GABRA2: variants seen among roughly 807,000 people sequenced by gnomAD.
GABRA2 encodes gamma-aminobutyric acid type A receptor subunit alpha2.
Under a neutral mutation model 48.7 loss-of-function variants are expected in GABRA2, and 16 were observed. The ratio of observed to expected loss-of-function variants is 0.33; its 90% CI spans 0.22 to 0.50. The LOEUF (loss-of-function observed/expected upper bound fraction) is 0.50. Among genes scored for constraint, GABRA2 ranks in the 20% least tolerant of loss-of-function variants. GABRA2 has a pLI of 0.98. For missense variants in GABRA2, 275 were observed against 535.6 expected (o/e 0.51, Z 4.80); for synonymous variants, 185 against 184.5 (o/e 1.00, Z -0.02).
chr4:46,249,230 A>C lies in GABRA2; in HGVS notation c.*1078T>G, dbSNP rs141370368. On this transcript the variant is annotated 3_prime_UTR_variant, in exon 10 of 10. Transcript: ENST00000381620. ...CAAAAGCAGATTTACATTAATTCTT[A>C]TCTGAAAGAACTGCTTTCACAAGAG... The C allele has an allele frequency of 3.3e-5, 5 of 151,638 alleles. No homozygotes were observed. In the East Asian group the frequency reaches 9.8e-4, roughly 30 times the overall value. The allele number at this position is 151,638 out of a possible 1,614,324, so 9.4% of individuals were successfully genotyped here. A position where few individuals can be genotyped will look rare whatever the true frequency, so the allele number is the denominator to read the frequency against.
At chr4:46,280,059 A>G (rs957464454) in intron 8 of GABRA2, among the ~76,000 whole-genome samples, 36 of 152,062 alleles carry the variant, frequency 2.4e-4, no homozygotes, top group Middle Eastern at 3.4e-3. Context: ...TTTTTAAAAA[A>G]TGAGATAAAA....
intron 8 of GABRA2, chr4:46,303,206 C>T: frequency 2.4e-6 from 1 of 422,556 alleles, no homozygotes; most frequent in Non-Finnish European, 4.2e-6. Flanking sequence ...AAATGTTGAA[C>T]AGCAGTATGA....
intron 8 of GABRA2, among the ~76,000 whole-genome samples, chr4:46,291,111 T>C (rs1205136132): frequency 6.6e-6 from 1 of 152,212 alleles, no homozygotes; most frequent in Non-Finnish European, 1.5e-5. Flanking sequence ...AGTTAGGAAG[T>C]GTTCTTTAAA....
chr4:46,250,766 C>T (rs1284769069), intron 9 of GABRA2, among the ~76,000 whole-genome samples, 162 bp from the exon 10 acceptor site: 3 of 151,414 alleles, frequency 2.0e-5, no homozygotes, highest in Non-Finnish European at 4.4e-5. Context: ...TATTAAATTC[C>T]AAATCCATTA....
At chr4:46,275,371 C>G (rs1359056834) in intron 8 of GABRA2, among the ~76,000 whole-genome samples, 1 of 151,952 alleles carries the variant, frequency 6.6e-6, no homozygotes, top group African/African-American at 2.4e-5. Flanking sequence ...AGGTGATTTC[C>G]AAGAAATCTA....
At chr4:46,304,651 C>A (rs928513226) in intron 7 of GABRA2, among the ~76,000 whole-genome samples, 1 of 151,788 alleles carries the variant, frequency 6.6e-6, no homozygotes, top group African/African-American at 2.4e-5. Flanking sequence ...ACTTGTTGGC[C>A]GGGCGCACTG....
intron 6 of GABRA2, among the ~76,000 whole-genome samples, chr4:46,309,622 C>CT (rs1428695479): frequency 1.3e-5 from 2 of 151,960 alleles, no homozygotes; most frequent in Admixed American, 1.3e-4. Flanking sequence ...GAAGAGCCAA[C>CT]TGCACAGACC....
intron 4 of GABRA2, among the ~76,000 whole-genome samples, chr4:46,319,318 T>C (rs1729059834): frequency 1.3e-5 from 2 of 151,922 alleles, no homozygotes; most frequent in African/African-American, 4.8e-5. Context: ...TCTCATTTAC[T>C]TTGATTTTCT....
intron 2 of GABRA2, among the ~76,000 whole-genome samples, chr4:46,387,243 T>A (rs1341387864): frequency 1.3e-5 from 2 of 152,200 alleles, no homozygotes; most frequent in Non-Finnish European, 2.9e-5. Flanking sequence ...GGTTAAACAC[T>A]GAGATTTTCA....
chr4:46,251,986 A>G (rs969928843), intron 9 of GABRA2, among the ~76,000 whole-genome samples: 2 of 151,580 alleles, frequency 1.3e-5, no homozygotes, highest in African/African-American at 4.8e-5. Context: ...TTGAGACAGC[A>G]GTGAATTATC....
intron 3 of GABRA2, among the ~76,000 whole-genome samples, chr4:46,339,953 CA>C (rs1165520589): frequency 6.6e-6 from 1 of 151,746 alleles, no homozygotes; most frequent in African/African-American, 2.4e-5. Context: ...ATGTCTCAAA[CA>C]AAACTAATTT....
intron 8 of GABRA2, among the ~76,000 whole-genome samples, chr4:46,289,089 C>T (rs903915963): frequency 6.6e-6 from 1 of 152,014 alleles, no homozygotes; most frequent in African/African-American, 2.4e-5. Flanking sequence ...AAAAGGAAAG[C>T]TTATGCACTG....
chr4:46,277,161 C>T (rs527989303), intron 8 of GABRA2, among the ~76,000 whole-genome samples: 1 of 152,238 alleles, frequency 6.6e-6, no homozygotes, highest in East Asian at 1.9e-4. Context: ...CCTGAAACAA[C>T]TTCTCAGGCT....
chr4:46,317,760 T>A (rs565987122), intron 4 of GABRA2, among the ~76,000 whole-genome samples: 1 of 151,020 alleles, frequency 6.6e-6, no homozygotes, highest in African/African-American at 2.4e-5. Flanking sequence ...TAAAAAAAAA[T>A]GGTAAACAAA....
chr4:46,251,042 C>A (rs1394659386), intron 9 of GABRA2, among the ~76,000 whole-genome samples: 1 of 151,464 alleles, frequency 6.6e-6, no homozygotes, highest in African/African-American at 2.4e-5. Context: ...TCCCACCTCA[C>A]GTCAAAGTCA....
intron 3 of GABRA2, 115 bp from the exon 4 acceptor site, chr4:46,332,797 G>C (rs1731594519): frequency 1.7e-6 from 1 of 576,866 alleles, no homozygotes; most frequent in Non-Finnish European, 3.1e-6. Context: ...GGGAGTACTG[G>C]GTTTTACTTT....
At chr4:46,288,181 C>G (rs886644849) in intron 8 of GABRA2, among the ~76,000 whole-genome samples, 2 of 152,150 alleles carry the variant, frequency 1.3e-5, no homozygotes, top group Non-Finnish European at 2.9e-5. Flanking sequence ...CACAGCCAAA[C>G]CATATCAACG....
chr4:46,321,891 C>T (rs928082733), intron 4 of GABRA2, among the ~76,000 whole-genome samples: 2 of 151,900 alleles, frequency 1.3e-5, no homozygotes, highest in Admixed American at 1.3e-4. Flanking sequence ...CACAGGATAC[C>T]ACAAAGAATG....
At chr4:46,338,538 A>C (rs141945225) in intron 3 of GABRA2, among the ~76,000 whole-genome samples, 1 of 152,082 alleles carries the variant, frequency 6.6e-6, no homozygotes, top group African/African-American at 2.4e-5. Context: ...TATCTTTATA[A>C]AGTTAATAAT....
Sources: allele counts gnomAD v4.1 joint callset (sites outside exome capture counted in the v4.1 genomes callset), GRCh38; gene constraint gnomAD v4.1.1; transcripts MANE v1.5; gene names NCBI Gene and HGNC (gene_info 2026-07-23, HGNC 2026-07-21).